The following NSD3 variants were observed in gnomAD, a reference collection of about 807,000 sequenced individuals.
The protein encoded by NSD3 is nuclear receptor binding SET domain protein 3.
Under a neutral mutation model 160.8 loss-of-function variants are expected in NSD3, and 24 were observed. The observed-to-expected ratio is 0.15, with a 90% CI of 0.11 to 0.21. The LOEUF (loss-of-function observed/expected upper bound fraction) is 0.21. Among genes scored for constraint, NSD3 ranks in the 10% least tolerant of loss-of-function variants. The pLI, the probability that NSD3 is intolerant of heterozygous loss-of-function variation, is 1.00. For synonymous variants in NSD3, 520 were observed against 600.0 expected (o/e 0.87, Z 1.95); for missense variants, 1,157 against 1,735.9 (o/e 0.67, Z 5.93).
chr8:38,296,192 C>A (rs1393704058), intron 15 of NSD3, among the ~76,000 whole-genome samples: 1 of 152,146 alleles, frequency 6.6e-6, no homozygotes, highest in East Asian at 1.9e-4. Context: ...CATCCATGTA[C>A]TCTTTACTCC....
intron 1 of NSD3, among the ~76,000 whole-genome samples, chr8:38,375,476 T>G (rs1811366360): frequency 6.6e-6 from 1 of 152,194 alleles, no homozygotes; most frequent in Admixed American, 6.5e-5. Flanking sequence ...TACCTTTACC[T>G]TCTTTTCATG....
At chr8:38,304,919 G>A (rs918297001) in intron 13 of NSD3, among the ~76,000 whole-genome samples, 162 bp from the exon 14 acceptor site, 2 of 152,056 alleles carry the variant, frequency 1.3e-5, no homozygotes, top group Non-Finnish European at 2.9e-5. Context: ...TATGCTATAT[G>A]GCCCCTAAAT....
intron 16 of NSD3, among the ~76,000 whole-genome samples, chr8:38,292,414 T>C (rs187555257): frequency 6.6e-6 from 1 of 151,850 alleles, no homozygotes; most frequent in East Asian, 1.9e-4. Flanking sequence ...GGGGAGGTTG[T>C]GGCGGGCAGA....
At chr8:38,372,560 A>C (rs1485436424) in intron 1 of NSD3, among the ~76,000 whole-genome samples, 1 of 149,000 alleles carries the variant, frequency 6.7e-6, no homozygotes. Flanking sequence ...GAGGTGACGT[A>C]ATCTCGGCTC....
chr8:38,295,093 A>G (rs942099045), intron 16 of NSD3, among the ~76,000 whole-genome samples: 13 of 150,358 alleles, frequency 8.6e-5, no homozygotes, highest in Non-Finnish European at 1.2e-4. Context: ...GCAGTGAGCC[A>G]AGATCGCGCA....
At chr8:38,307,051 C>G (rs964058778) in intron 12 of NSD3, among the ~76,000 whole-genome samples, 3 of 150,254 alleles carry the variant, frequency 2.0e-5, no homozygotes, top group African/African-American at 4.9e-5. Context: ...GGAGGTGGAA[C>G]CTGCAGTGAG....
chr8:38,286,806 G>A (rs1808869371), intron 19 of NSD3, among the ~76,000 whole-genome samples: 2 of 152,112 alleles, frequency 1.3e-5, no homozygotes, highest in South Asian at 4.1e-4. Context: ...CTTTACAGCT[G>A]CCTGCCTCCA....
In NSD3 at chr8:38,288,527, C is replaced by T. The variant is rs200818177; in HGVS notation, c.3461G>A (p.Arg1154Gln). 90 of 1,614,158 alleles carry T rather than the reference C, an allele frequency of 5.6e-5. 1 individual carries two copies. The highest frequency in any genetic ancestry group is 6.7e-5 in the East Asian group (3 of 44,884). Residue 1154 changes from arginine (R) to glutamine (Q), a missense_variant, in exon 19 of 24, where the codon CGG (arginine) becomes CAG (glutamine). Arg to Gln is a conservative substitution (Grantham distance 43). Transcript: ENST00000317025. The surrounding 1 kb of genome is among the most constrained non-coding windows in gnomAD (Gnocchi z 4.5). ...YPDAEIIKTE[R>Q]RGWGLRTKRS... is the part of the protein sequence containing the mutation. ...TTTGGTCCTGAGGCCCCAGCCTCTC[C>T]GCTCCGTTTTGATGATCTCTGCATC...
chr8:38,370,532 T>C (rs1347266682), intron 1 of NSD3, among the ~76,000 whole-genome samples: 4 of 152,158 alleles, frequency 2.6e-5, no homozygotes, highest in Admixed American at 6.5e-5. Context: ...AGGAGCATCA[T>C]CTTCTCATGA....
At chr8:38,378,799 G>A (rs1009471190) in intron 1 of NSD3, among the ~76,000 whole-genome samples, 8 of 139,864 alleles carry the variant, frequency 5.7e-5, no homozygotes, top group Non-Finnish European at 1.2e-4. Context: ...CTCCAGCCTA[G>A]ACAACAGGAG....
intron 7 of NSD3, among the ~76,000 whole-genome samples, chr8:38,325,308 A>G (rs1215648899): frequency 6.6e-6 from 1 of 152,262 alleles, no homozygotes; most frequent in Admixed American, 6.5e-5. Flanking sequence ...ATATGGGTCT[A>G]TAAGTACGTT....
At chr8:38,334,488 C>T (rs1211760557) in intron 4 of NSD3, among the ~76,000 whole-genome samples, 1 of 152,116 alleles carries the variant, frequency 6.6e-6, no homozygotes, top group East Asian at 1.9e-4. Flanking sequence ...GGAGCAGTGG[C>T]TTACGCCTTT....
intron 1 of NSD3, among the ~76,000 whole-genome samples, chr8:38,370,523 G>A (rs1303661023): frequency 1.3e-5 from 2 of 151,940 alleles, no homozygotes; most frequent in Non-Finnish European, 2.9e-5. Context: ...ATGGGACGTA[G>A]GAGCATCATC....
chr8:38,346,169 TATATATGTATATATAC>T lies in NSD3; in HGVS notation c.675+1312_675+1327del, dbSNP rs544413517. 6.9e-3 allele frequency among the ~76,000 whole-genome samples: 1,033 copies of T among 150,406 alleles called. 9 individuals are homozygous for T. The highest frequency in any genetic ancestry group is 9.3e-3 in the Non-Finnish European group (626 of 67,654). On this transcript the variant is annotated intron_variant, in intron 2 of 23. Coordinates refer to ENST00000317025, the MANE Select transcript of NSD3 (RefSeq NM_023034.2). ...ATACATATATGTATGCATATGTATG[TATATATGTATATATAC>T]ATATATGTATATACATACCTATGTA...
At chr8:38,339,225 G>A (rs939739900) in intron 2 of NSD3, among the ~76,000 whole-genome samples, 6 of 151,918 alleles carry the variant, frequency 3.9e-5, no homozygotes, top group Non-Finnish European at 7.4e-5. Flanking sequence ...AGAAAAAATG[G>A]GCACTCTAAG....
intron 1 of NSD3, among the ~76,000 whole-genome samples, chr8:38,368,910 A>G (rs917351795): frequency 6.6e-6 from 1 of 152,106 alleles, no homozygotes; most frequent in African/African-American, 2.4e-5. Context: ...TTTCTTACCT[A>G]TTTCCTGGAC....
chr8:38,341,531 C>A (rs1052224659), intron 2 of NSD3, among the ~76,000 whole-genome samples: 4 of 149,932 alleles, frequency 2.7e-5, no homozygotes, highest in African/African-American at 9.8e-5. Context: ...GAGCGAGACT[C>A]CGTCTCAAAA....
intron 16 of NSD3, among the ~76,000 whole-genome samples, chr8:38,291,691 G>C (rs1183852645): frequency 6.6e-6 from 1 of 152,122 alleles, no homozygotes; most frequent in Non-Finnish European, 1.5e-5. Context: ...TCTCAAAGCA[G>C]GCTCTATTTA....
At chr8:38,344,580 T>C (rs1810467709) in intron 2 of NSD3, among the ~76,000 whole-genome samples, 1 of 152,126 alleles carries the variant, frequency 6.6e-6, no homozygotes, top group African/African-American at 2.4e-5. Context: ...GACTTAAACA[T>C]GGAACTCAAC....
Sources: allele counts gnomAD v4.1 joint callset (sites outside exome capture counted in the v4.1 genomes callset), GRCh38; gene constraint gnomAD v4.1.1; non-coding constraint Gnocchi (gnomAD v3.1); transcripts MANE v1.5; gene names NCBI Gene and HGNC (gene_info 2026-07-23, HGNC 2026-07-21).